Variants in NBPF12 observed in about 807,000 individuals in gnomAD.
The protein encoded by NBPF12 is NBPF family member NBPF12.
NBPF12 carries 115 observed loss-of-function variants against 146.4 expected under a neutral mutation model. The ratio of observed to expected loss-of-function variants is 0.79; its 90% CI spans 0.68 to 0.92. The LOEUF (loss-of-function observed/expected upper bound fraction) is 0.92, where lower values mean the gene tolerates loss of function less well. Ranked by LOEUF, NBPF12 falls within the 40% of genes least tolerant of loss-of-function variation. The probability of loss-of-function intolerance (pLI) is 0.00; values close to 1 mark genes in which losing one functional copy is unlikely to be tolerated. For synonymous variants in NBPF12, 385 were observed against 508.9 expected, an observed-to-expected ratio of 0.76 and a Z score of 3.28; for missense variants, 1,205 against 1,326.8, an observed-to-expected ratio of 0.91 and a Z score of 1.43.
chr1:146,949,625 G>A (rs1368029434), intron 1 of NBPF12, among the ~76,000 whole-genome samples: 9 of 120,010 alleles, frequency 7.5e-5, no homozygotes, highest in Middle Eastern at 3.7e-3. Context: ...TGAAGCGGCC[G>A]GGTTCTCTGA....
At chr1:146,962,846 C>A (rs1412813254) in intron 5 of NBPF12, among the ~76,000 whole-genome samples, 5 of 150,998 alleles carry the variant, frequency 3.3e-5, no homozygotes, top group African/African-American at 1.2e-4. Flanking sequence ...AAGACACCTA[C>A]CTTTGTTTAC....
At chr1:146,961,967 C>T (rs1223705608) in intron 4 of NBPF12, among the ~76,000 whole-genome samples, 194 bp from the exon 8 acceptor site, 2,172 of 152,104 alleles carry the variant, frequency 0.014, 61 homozygotes, top group African/African-American at 0.049. Context: ...TCTCTTTCTT[C>T]GTCTTTAAAT....
chr1:146,960,269 T>A lies in NBPF12; in HGVS notation c.126T>A (p.Cys42Ter). 7.1e-7 allele frequency: 1 copy of A among 1,402,740 alleles called. No individual in the cohort carries two copies. Among genetic ancestry groups the A allele is most frequent in the Non-Finnish European group, 9.9e-7 (1 of 1,007,042 alleles). 86.9% of individuals were successfully genotyped at this position (1,402,740 alleles called of 1,614,324 possible). The change falls in exon 4 of 34, where the codon TGT becomes TGA. Residue 42 changes from cysteine to a stop codon, truncating the protein, a stop_gained. Coordinates refer to ENST00000617844, the Ensembl canonical transcript of NBPF12. LOFTEE classifies it high-confidence loss of function. ...AGTTCAGAAACCTCAAAGAGAGATG[T>A]TTTCTAACTCAACTGGCCGGCTTCC...
chr1:146,960,444 G>C (rs1223536831), intron 4 of NBPF12, 126 bp downstream of exon 7: 4 of 612,454 alleles, frequency 6.5e-6, no homozygotes, highest in Non-Finnish European at 1.2e-5. Context: ...AACAGAAATG[G>C]GTATTTTAAC....
chr1:146,966,404 T>G (rs1656213211), intron 8 of NBPF12, 60 bp from the exon 12 acceptor site: 4 of 1,306,384 alleles, frequency 3.1e-6, no homozygotes. Flanking sequence ...CAGTCCTGAT[T>G]AAGCCTACTT....
In NBPF12 at chr1:146,965,791, CAAAAAAAAAA is replaced by C. The variant is rs1162462110; in HGVS notation, c.779-653_779-644del. Among the ~76,000 whole-genome samples the C allele has an allele frequency of 4.7e-4, 14 of 30,056 alleles. No homozygotes were observed. In the South Asian group the frequency reaches 0.024, roughly 52 times the overall value. The allele number at this position is 30,056 out of a possible 152,430, so 19.7% of individuals were successfully genotyped here. The stretch of plus-strand genomic sequence containing the variant: ...TGGGAGACAGAGCGAGACTGCATCT[CAAAAAAAAAA>C]AAAAAAAAAAAAAAAAAAAGTCTCT... On this transcript the variant is annotated intron_variant, in intron 8 of 33. Coordinates refer to ENST00000617844, the Ensembl canonical transcript of NBPF12.
chr1:146,962,694 T>C (rs1206709138), intron 5 of NBPF12, among the ~76,000 whole-genome samples: 1 of 149,174 alleles, frequency 6.7e-6, no homozygotes, highest in African/African-American at 2.5e-5. Context: ...ATCTTTTCAA[T>C]TCGCCCCATC....
At chr1:146,994,214 T>G in intron 33 of NBPF12, 118 bp from the exon 37 acceptor site, 2 of 1,601,068 alleles carry the variant, frequency 1.2e-6, no homozygotes, top group Middle Eastern at 2.3e-4. Context: ...GTTACCTCAT[T>G]AATGGATCTG....
At chr1:146,969,063 T>C (rs1363590075) in intron 10 of NBPF12, among the ~76,000 whole-genome samples, 4 of 151,502 alleles carry the variant, frequency 2.6e-5, no homozygotes, top group Admixed American at 2.6e-4. Context: ...TATTTTCACA[T>C]GGAAATGTCC....
intron 6 of NBPF12, 48 bp from the exon 10 acceptor site, chr1:146,964,309 G>A (rs1656052306): frequency 5.0e-6 from 8 of 1,597,560 alleles, no homozygotes; most frequent in Middle Eastern, 2.2e-4. Context: ...GACTGTGCTT[G>A]CAGAATGTGA....
At chr1:146,945,026 TCCTTCCTCCCTCCCTCCCTG>T (rs1570811282), upstream of NBPF12, among the ~76,000 whole-genome samples, 4 of 12,668 alleles carry the variant, frequency 3.2e-4, no homozygotes, top group East Asian at 6.1e-3. Context: ...CTCCCTCCCT[TCCTTCCTCCCTCCCTCCCTG>T]CCTTCCTCCC....
chr1:146,945,681 T>G (rs1313728138), upstream of NBPF12, among the ~76,000 whole-genome samples: 4 of 151,596 alleles, frequency 2.6e-5, no homozygotes, highest in Non-Finnish European at 5.9e-5. Flanking sequence ...ATGGAGTAGA[T>G]AGTACAGAGA....
intron 5 of NBPF12, among the ~76,000 whole-genome samples, chr1:146,962,552 G>C (rs1273266319): frequency 2.0e-5 from 3 of 151,788 alleles, no homozygotes; most frequent in Non-Finnish European, 4.4e-5. Context: ...GCAGCATTCA[G>C]TATACTCAAA....
At chr1:146,962,188 A>T in exon 5 of NBPF12, 1 of 1,608,868 alleles carries the variant, frequency 6.2e-7, no homozygotes, top group Non-Finnish European at 8.5e-7. Context: ...GACCTCATAA[A>T]ATTTATGCTG....
At chr1:146,948,547 A>C (rs1171925493), upstream of NBPF12, among the ~76,000 whole-genome samples, 178 of 151,994 alleles carry the variant, frequency 1.2e-3, no homozygotes, top group African/African-American at 4.3e-3. Flanking sequence ...TGAAGGCAGC[A>C]TGCTTGTTAA....
At chr1:146,965,067 T>C in exon 8 of NBPF12, 9 of 1,605,118 alleles carry the variant, frequency 5.6e-6, no homozygotes, top group South Asian at 2.2e-5. Flanking sequence ...GAAAATCCTC[T>C]CATGATGAAT....
chr1:146,995,919 G>T (rs1367456338), exon 34 of NBPF12: 2 of 150,590 alleles, frequency 1.3e-5, no homozygotes, highest in East Asian at 1.9e-4. Flanking sequence ...CTCCCTGCCT[G>T]TGTCTATTAT....
intron 14 of NBPF12, among the ~76,000 whole-genome samples, chr1:146,974,399 C>T (rs1409274720): frequency 7.2e-6 from 1 of 138,468 alleles, no homozygotes; most frequent in Non-Finnish European, 1.5e-5. Flanking sequence ...TGCCCCAGTG[C>T]AGTGTTTTAG....
At chr1:146,965,046 G>A (rs1656101006) in exon 8 of NBPF12, 3 of 1,608,288 alleles carry the variant, frequency 1.9e-6, no homozygotes, top group Admixed American at 3.3e-5. Context: ...ACTCAACTGT[G>A]GTTGTAGACA....
Sources: allele counts gnomAD v4.1 joint callset (sites outside exome capture counted in the v4.1 genomes callset), GRCh38; gene constraint gnomAD v4.1.1; transcripts MANE v1.5; gene names NCBI Gene and HGNC (gene_info 2026-07-23, HGNC 2026-07-21).